BRD2: variants seen among roughly 807,000 people sequenced by gnomAD.
BRD2 encodes bromodomain containing 2, also known as bromodomain-containing protein 2.
BRD2 carries 15 observed loss-of-function variants against 79.1 expected under a neutral mutation model. The ratio of observed to expected loss-of-function variants is 0.19; its 90% CI spans 0.13 to 0.29. The LOEUF is 0.29. Among genes scored for constraint, BRD2 ranks in the 10% least tolerant of loss-of-function variants. The probability of loss-of-function intolerance (pLI) is 1.00; values close to 1 mark genes in which losing one functional copy is unlikely to be tolerated. For missense variants in BRD2, 1,053 were observed against 991.3 expected (o/e 1.06, Z -0.84); for synonymous variants, 488 against 358.6 (o/e 1.36, Z -4.08).
At chr6:32,975,317 G>A (rs1778591948) in intron 3 of BRD2, 67 bp from the exon 4 acceptor site, 12 of 1,271,880 alleles carry the variant, frequency 9.4e-6, no homozygotes, top group East Asian at 2.6e-5. Context: ...TGTGAGAGTC[G>A]GGGATCGGTA....
intron 10 of BRD2, chr6:32,979,252 A>G (rs979490187): frequency 3.8e-5 from 6 of 157,322 alleles, no homozygotes; most frequent in Admixed American, 1.3e-4. Flanking sequence ...TAGTTTATGT[A>G]GTTTTAGTGG....
chr6:32,979,814 CT>C lies in BRD2; in HGVS notation c.1842-9del. ...AATGAAGCTTCTTTTGCTGACAACT[CT>C]TTTTGCCCTTAGGCTCCCCAAAAAG... On this transcript the variant is annotated splice_polypyrimidine_tract_variant and intron_variant, in intron 10 of 12. Transcript: ENST00000374825. The C allele has an allele frequency of 1.2e-6, 2 of 1,605,318 alleles. No homozygotes were observed. The highest frequency in any genetic ancestry group is 1.7e-6 in the Non-Finnish European group (2 of 1,176,130).
intron 3 of BRD2, 164 bp from the exon 4 acceptor site, chr6:32,975,220 T>C: frequency 1.6e-6 from 2 of 1,247,312 alleles, no homozygotes; most frequent in South Asian, 2.8e-5. Flanking sequence ...ATTTATTTAT[T>C]TATTTTGTCC....
chr6:32,977,376 CTG>C, intron 7 of BRD2, 64 bp from the exon 8 acceptor site: 7 of 1,612,020 alleles, frequency 4.3e-6, no homozygotes, highest in Non-Finnish European at 5.1e-6. Flanking sequence ...CTTGTGGTGT[CTG>C]GGGTTGGCAG....
At chr6:32,973,711 T>C (rs116120727) in intron 2 of BRD2, among the ~76,000 whole-genome samples, 2,395 of 152,072 alleles carry the variant, frequency 0.016, 35 homozygotes, top group African/African-American at 0.03. Flanking sequence ...TGTTGTGTAG[T>C]GGGTGGGTGG....
chr6:32,980,512 C>T (rs1261667464), intron 12 of BRD2, 48 bp downstream of exon 12: 10 of 1,612,326 alleles, frequency 6.2e-6, no homozygotes, highest in Middle Eastern at 1.6e-4. Context: ...ATCCTGCCTT[C>T]TTGACTGTCT....
At chr6:32,970,684 T>A (rs1777863463) in intron 1 of BRD2, 1 of 151,994 alleles carries the variant, frequency 6.6e-6, no homozygotes, top group South Asian at 2.1e-4. Context: ...CACTCTCTTG[T>A]AAGGGGGCGG....
chr6:32,977,799 CTAGAACCAG>C lies in BRD2; in HGVS notation c.1373_1381del (p.Leu458_Gly461delinsArg), dbSNP rs761123880. 1.9e-6 allele frequency: 3 copies of C among 1,613,110 alleles called. No individual in the cohort carries two copies. Among genetic ancestry groups the C allele is most frequent in the East Asian group, 2.2e-5 (1 of 44,878 alleles). ...TTATGCCAAGATGCCAGATGAACCA[CTAGAACCAG>C]GGCCTTTACCAGTCTCTACTGCCAT... On this transcript the variant is annotated inframe_deletion, in exon 9 of 13. Coordinates refer to ENST00000374825, the MANE Select transcript of BRD2 (RefSeq NM_005104.4).
rs201133050 is a variant in BRD2, at chr6:32,971,778, A to G, written c.-1121A>G. ...TTGGCAGTCTCCAGTTGGGCTGTGC[A>G]TGGAAGCTTGGGAAGACTTTGTTGG... On this transcript the variant is annotated 5_prime_UTR_variant, in exon 2 of 13. It removes an upstream start codon present in the reference 5' UTR. Transcript: ENST00000374825. 5.4e-4 allele frequency: 338 copies of G among 625,128 alleles called. No individual in the cohort carries two copies. The highest frequency in any genetic ancestry group is 8.9e-4 in the Non-Finnish European group (310 of 349,836). 38.7% of individuals were successfully genotyped at this position (625,128 alleles called of 1,614,324 possible).
chr6:32,981,069 T>G lies in BRD2; in HGVS notation c.*351T>G. 1 of 215,540 alleles carries G rather than the reference T, an allele frequency of 4.6e-6. No homozygotes were observed. The highest frequency in any genetic ancestry group is 1.1e-4 in the South Asian group (1 of 9,438). 13.4% of individuals were successfully genotyped at this position (215,540 alleles called of 1,614,324 possible). A position where few individuals can be genotyped will look rare whatever the true frequency, so the allele number is the denominator to read the frequency against. On this transcript the variant is annotated 3_prime_UTR_variant, in exon 13 of 13. Coordinates refer to ENST00000374825, the MANE Select transcript of BRD2 (RefSeq NM_005104.4). ...TCTAAGGGCCCTGTTTTGAGATTGT[T>G]TGTTCTAATTTATTTTAAGCTAGGT...
At chr6:32,977,361 CTCT>C (rs1375065674) in intron 7 of BRD2, 78 bp from the exon 8 acceptor site, 18 of 1,610,730 alleles carry the variant, frequency 1.1e-5, no homozygotes, top group Admixed American at 1.7e-5. Context: ...CAAGAGAGGG[CTCT>C]TCTTGTGGTG....
chr6:32,970,052 G>A (rs1777805418), intron 1 of BRD2, among the ~76,000 whole-genome samples: 1 of 152,224 alleles, frequency 6.6e-6, no homozygotes, highest in Non-Finnish European at 1.5e-5. Flanking sequence ...CGGAATGCAG[G>A]GAATAAACGA....
chr6:32,978,268 A>G lies in BRD2; in HGVS notation c.1721A>G (p.Lys574Arg), dbSNP rs758639550. The G allele has an allele frequency of 3.7e-6, 6 of 1,613,100 alleles. No homozygotes were observed. The highest frequency in any genetic ancestry group is 5.1e-6 in the Non-Finnish European group (6 of 1,180,026). The part of the protein sequence containing the change: ...RGRAGADEDD[K>R]GPRAPRPPQP... Reference sequence around the variant, plus strand: ...CGAGCTGGGGCCGATGAAGATGACAAGGGGCCTAGGGCACCCCGCCCACCT... The same window carrying G: ...CGAGCTGGGGCCGATGAAGATGACAGGGGGCCTAGGGCACCCCGCCCACCT... Residue 574 changes from lysine to arginine, a missense_variant, in exon 10 of 13, where the codon AAG (lysine) becomes AGG (arginine). Physicochemically the swap from Lys to Arg is conservative, Grantham distance 26. This residue lies in a region of BRD2 where 454 missense variants were observed against 430.5 expected (regional missense o/e 1.05). Coordinates refer to ENST00000374825, the MANE Select transcript of BRD2 (RefSeq NM_005104.4).
Position 32,981,117 on chromosome 6 carries a change from C to T in BRD2, c.*399C>T, listed in dbSNP as rs971560806. On this transcript the variant is annotated 3_prime_UTR_variant, in exon 13 of 13. Transcript: ENST00000374825. ...GGTAAGGCTGGGGGGAGGGTGGGGC[C>T]GTGGTCCCCTCAGCCTCCATGGGGA... 2 of 168,788 alleles carry T rather than the reference C, an allele frequency of 1.2e-5. No homozygotes were observed. Among genetic ancestry groups the T allele is most frequent in the African/African-American group, 2.4e-5 (1 of 41,826 alleles). The allele number at this position is 168,788 out of a possible 1,614,324, so 10.5% of individuals were successfully genotyped here.
chr6:32,975,941 T>C (rs1778686003), intron 4 of BRD2, 90 bp from the exon 5 acceptor site: 6 of 1,438,436 alleles, frequency 4.2e-6, no homozygotes, highest in Non-Finnish European at 4.7e-6. Flanking sequence ...GGTAATGGCC[T>C]AGGGCCTGAA....
chr6:32,977,807 A>G lies in BRD2; in HGVS notation c.1380A>G (p.Pro460=). The G allele has an allele frequency of 6.2e-7, 1 of 1,613,126 alleles. No individual in the cohort carries two copies. The highest frequency in any genetic ancestry group is 8.5e-7 in the Non-Finnish European group (1 of 1,180,044). The stretch of plus-strand genomic sequence containing the variant: ...AGATGCCAGATGAACCACTAGAACC[A>G]GGGCCTTTACCAGTCTCTACTGCCA... ...YAKMPDEPLE[P]GPLPVSTAMP... The change falls in exon 9 of 13, where the codon CCA becomes CCG. Residue 460 remains proline (P), a synonymous_variant. Coordinates refer to ENST00000374825, the MANE Select transcript of BRD2 (RefSeq NM_005104.4).
chr6:32,979,614 T>C (rs1779263268), intron 10 of BRD2: 1 of 574,674 alleles, frequency 1.7e-6, no homozygotes, highest in Non-Finnish European at 3.0e-6. Context: ...ACGTACATTG[T>C]CTTTTTAAAG....
In BRD2 at chr6:32,974,945, G is replaced by A. The variant is rs904161184; in HGVS notation, c.333+180G>A. ...TTTGTGATTGATCCGACCGCTTGCT[G>A]TAACTATCTTGGCATCTTTCCTTGT... On this transcript the variant is annotated intron_variant, in intron 3 of 12. Transcript: ENST00000374825. The A allele has an allele frequency of 2.1e-6, 3 of 1,421,208 alleles. No homozygotes were observed. In the African/African-American group the frequency reaches 4.3e-5, roughly 20 times the overall value. The allele number at this position is 1,421,208 out of a possible 1,614,324, so 88.0% of individuals were successfully genotyped here.
chr6:32,975,258 GTAAC>G (rs1778570523), intron 3 of BRD2, 122 bp from the exon 4 acceptor site: 3 of 308,254 alleles, frequency 9.7e-6, no homozygotes, highest in East Asian at 1.5e-4. Context: ...CGCAGTTTAA[GTAAC>G]TGTTCCTTTG....
Sources: gnomAD v4.1 joint callset for allele counts (sites outside exome capture counted in the v4.1 genomes callset) on GRCh38, gnomAD v4.1.1 for gene constraint, gnomAD v4.1.1 regional missense constraint, MANE v1.5 for transcripts, NCBI Gene and HGNC (gene_info 2026-07-23, HGNC 2026-07-21) for gene names.